Variants in KDELR2 observed in about 807,000 individuals in gnomAD.
KDELR2 encodes the protein KDEL endoplasmic reticulum protein retention receptor 2.
KDELR2 carries 15 observed loss-of-function variants against 23.9 expected under a neutral mutation model. That is an observed-to-expected ratio of 0.63 (90% CI 0.42 to 0.97). KDELR2 has a LOEUF of 0.97. KDELR2 is among the 50% of genes least tolerant of loss of function. The pLI is 0.00. For missense variants in KDELR2, 272 were observed against 254.6 expected (o/e 1.07, Z -0.46); for synonymous variants, 119 against 106.2 (o/e 1.12, Z -0.74).
intron 4 of KDELR2, among the ~76,000 whole-genome samples, chr7:6,464,172 G>C (rs1408145579): frequency 8.8e-6 from 1 of 113,924 alleles, no homozygotes; most frequent in African/African-American, 3.5e-5. Context: ...ACTCCAGCCT[G>C]GGCAACAAGA....
At chr7:6,479,670 G>A (rs1393633897) in intron 1 of KDELR2, among the ~76,000 whole-genome samples, 1 of 151,966 alleles carries the variant, frequency 6.6e-6, no homozygotes, top group African/African-American at 2.4e-5. Context: ...ATAGAGATGG[G>A]GTTTCACCGT....
chr7:6,481,824 T>C (rs1219170198), intron 1 of KDELR2, among the ~76,000 whole-genome samples: 1 of 152,194 alleles, frequency 6.6e-6, no homozygotes, highest in Non-Finnish European at 1.5e-5. Flanking sequence ...AATGTTTATT[T>C]AGGCTCCCTT....
intron 1 of KDELR2, among the ~76,000 whole-genome samples, chr7:6,476,339 G>A (rs1048094083): frequency 1.3e-5 from 2 of 152,242 alleles, no homozygotes; most frequent in East Asian, 3.9e-4. Context: ...ACGGATAACT[G>A]ATTTCTTCCT....
chr7:6,473,371 C>G (rs1406288703), intron 2 of KDELR2, among the ~76,000 whole-genome samples: 1 of 152,154 alleles, frequency 6.6e-6, no homozygotes, highest in Admixed American at 6.6e-5. Context: ...ATCCTCAGTT[C>G]CCAGCTCTGT....
rs1457269168 is a variant in KDELR2, at chr7:6,466,134, C to T, written c.541G>A (p.Val181Met). Reference sequence around the variant, plus strand: ...ATGGTCTGGACTACGCCGGCCACCACAGCAATGAGGTCAAAGAAGCCCTCA... The same window carrying T: ...ATGGTCTGGACTACGCCGGCCACCATAGCAATGAGGTCAAAGAAGCCCTCA... The part of the protein sequence containing the change: ...YFEGFFDLIA[V>M]VAGVVQTILY... The change falls in exon 4 of 5, where the codon GTG becomes ATG. Residue 181 changes from valine to methionine, a missense_variant. Val to Met is a conservative substitution (Grantham distance 21, BLOSUM62 1). Coordinates refer to ENST00000258739, the MANE Select transcript of KDELR2 (RefSeq NM_006854.4). 10 of 1,614,168 alleles carry T rather than the reference C, an allele frequency of 6.2e-6. No individual in the cohort carries two copies. In the East Asian group the frequency reaches 2.2e-4, roughly 36 times the overall value.
chr7:6,474,141 T>C lies in KDELR2; in HGVS notation c.192+43A>G, dbSNP rs1412154488. ...CATAAATTAAGTGTCCATAGACCTGTGCACTGTAGATGAAATACATTCCTG... is the reference window on the plus strand; with the variant it reads ...CATAAATTAAGTGTCCATAGACCTGCGCACTGTAGATGAAATACATTCCTG... On this transcript the variant is annotated intron_variant, in intron 2 of 4. Coordinates refer to ENST00000258739, the MANE Select transcript of KDELR2 (RefSeq NM_006854.4). 6 of 1,151,482 alleles carry C rather than the reference T, an allele frequency of 5.2e-6. No individual in the cohort carries two copies. The African/African-American group carries it at 6.1e-5, about 12-fold the overall frequency. The allele number at this position is 1,151,482 out of a possible 1,614,324, so 71.3% of individuals were successfully genotyped here. A position where few individuals can be genotyped will look rare whatever the true frequency, so the allele number is the denominator to read the frequency against.
Position 6,467,982 on chromosome 7 carries a change from C to T in KDELR2, c.351+1614G>A, listed in dbSNP as rs145480158. Among the ~76,000 whole-genome samples the T allele has an allele frequency of 2.6e-4, 39 of 152,262 alleles. No homozygotes were observed. The East Asian group carries it at 4.6e-3, about 18-fold the overall frequency. On this transcript the variant is annotated intron_variant, in intron 3 of 4. Transcript: ENST00000258739. ...GTGCTGCTAAGCAGGGTCACAGACA[C>T]GACATCAGTGCACATCTGTACATGA...
intron 1 of KDELR2, chr7:6,482,435 T>G (rs1413554242): frequency 3.3e-5 from 11 of 328,712 alleles, no homozygotes; most frequent in Admixed American, 3.3e-4. Flanking sequence ...ATCATACAGT[T>G]GAACCTCTCA....
At chr7:6,465,988 T>C in intron 4 of KDELR2, 83 bp downstream of exon 4, 7 of 1,414,226 alleles carry the variant, frequency 4.9e-6, no homozygotes, top group Non-Finnish European at 6.8e-6. Flanking sequence ...TATGAGAGAG[T>C]GCCAGATTAG....
At chr7:6,466,406 A>C (rs1785505584) in intron 3 of KDELR2, 83 bp from the exon 4 acceptor site, 2 of 1,540,736 alleles carry the variant, frequency 1.3e-6, no homozygotes, top group Non-Finnish European at 1.8e-6. Flanking sequence ...CTTTACCACA[A>C]AGCAGCCTAA....
At chr7:6,478,947 C>A (rs1243261837) in intron 1 of KDELR2, among the ~76,000 whole-genome samples, 1 of 151,926 alleles carries the variant, frequency 6.6e-6, no homozygotes, top group Admixed American at 6.6e-5. Context: ...TGCCACCACG[C>A]CCGGGTAACT....
intron 1 of KDELR2, among the ~76,000 whole-genome samples, chr7:6,480,599 C>A (rs1785869363): frequency 6.6e-6 from 1 of 152,168 alleles, no homozygotes; most frequent in South Asian, 2.1e-4. Context: ...ATCCCTGATC[C>A]TTATGGGGTA....
intron 2 of KDELR2, chr7:6,470,359 C>A (rs997856681): frequency 2.0e-5 from 3 of 152,208 alleles, no homozygotes; most frequent in Non-Finnish European, 2.9e-5. Context: ...TCTTACATCT[C>A]AACGATGCCA....
intron 3 of KDELR2, among the ~76,000 whole-genome samples, chr7:6,468,955 C>CT (rs59284369): frequency 0.012 from 1,670 of 143,640 alleles, 10 homozygotes; most frequent in Non-Finnish European, 0.016. Context: ...TAAATAACCT[C>CT]TTTTTTTTTT....
At chr7:6,467,782 C>T (rs1000889653) in intron 3 of KDELR2, among the ~76,000 whole-genome samples, 4 of 151,938 alleles carry the variant, frequency 2.6e-5, no homozygotes, top group Admixed American at 2.0e-4. Flanking sequence ...AGTCCAGGCA[C>T]TCCCAGCACC....
At chr7:6,465,954 G>A in intron 4 of KDELR2, 117 bp downstream of exon 4, 2 of 1,046,552 alleles carry the variant, frequency 1.9e-6, no homozygotes, top group Non-Finnish European at 2.8e-6. Context: ...GGCCAATCAT[G>A]AAAGTGTTTC....
chr7:6,465,924 T>A (rs1411147106), intron 4 of KDELR2, 147 bp downstream of exon 4: 7 of 825,502 alleles, frequency 8.5e-6, no homozygotes, highest in Non-Finnish European at 1.1e-5. Context: ...AAAGACAACA[T>A]CCTGATCCAG....
At chr7:6,480,113 G>C (rs888969582) in intron 1 of KDELR2, among the ~76,000 whole-genome samples, 2 of 152,180 alleles carry the variant, frequency 1.3e-5, no homozygotes, top group Non-Finnish European at 2.9e-5. Context: ...AGGAGGGAAG[G>C]AGACAGACTA....
At chr7:6,465,120 T>A (rs968396403) in intron 4 of KDELR2, among the ~76,000 whole-genome samples, 11 of 152,094 alleles carry the variant, frequency 7.2e-5, no homozygotes, top group African/African-American at 2.7e-4. Flanking sequence ...TGGTTGGGTT[T>A]CAGGGGCTCC....
Sources: gnomAD v4.1 joint callset for allele counts (sites outside exome capture counted in the v4.1 genomes callset) on GRCh38, gnomAD v4.1.1 for gene constraint, MANE v1.5 for transcripts, NCBI Gene and HGNC (gene_info 2026-07-23, HGNC 2026-07-21) for gene names.